The following CEP57L1 variants were observed in gnomAD, a reference collection of about 807,000 sequenced individuals.
CEP57L1 encodes the protein centrosomal protein CEP57L1.
CEP57L1 carries 37 observed loss-of-function variants against 61.0 expected under a neutral mutation model. That is an observed-to-expected ratio of 0.61 (90% CI 0.47 to 0.80). The LOEUF is 0.80. Ranked by LOEUF, CEP57L1 falls within the 30% of genes least tolerant of loss-of-function variation. CEP57L1 has a pLI of 0.00. For synonymous variants in CEP57L1, 137 were observed against 162.3 expected, an observed-to-expected ratio of 0.84 and a Z score of 1.19; for missense variants, 422 against 524.7, an observed-to-expected ratio of 0.80 and a Z score of 1.91.
intron 1 of CEP57L1, among the ~76,000 whole-genome samples, chr6:109,096,331 A>G (rs770354929): frequency 1.3e-5 from 2 of 152,222 alleles, no homozygotes; most frequent in Non-Finnish European, 2.9e-5. Flanking sequence ...TACTAGTTAG[A>G]GGAACTAGTT....
chr6:109,120,087 A>T (rs779271744), intron 1 of CEP57L1, among the ~76,000 whole-genome samples: 6 of 152,196 alleles, frequency 3.9e-5, no homozygotes, highest in Admixed American at 6.5e-5. Flanking sequence ...ATGTTGATTC[A>T]TTACATATAA....
At chr6:109,111,406 C>T (rs570728930) in intron 1 of CEP57L1, among the ~76,000 whole-genome samples, 1 of 152,272 alleles carries the variant, frequency 6.6e-6, no homozygotes, top group South Asian at 2.1e-4. Flanking sequence ...TGCTTATCAG[C>T]TTAAGGAGAT....
chr6:109,149,589 C>T (rs1476695633), intron 3 of CEP57L1, among the ~76,000 whole-genome samples: 18 of 151,942 alleles, frequency 1.2e-4, no homozygotes, highest in Non-Finnish European at 2.4e-4. Context: ...TTAGGATTGA[C>T]TTGGCAATGC....
chr6:109,140,819 T>C (rs1314306667), intron 1 of CEP57L1: 1 of 152,046 alleles, frequency 6.6e-6, no homozygotes, highest in East Asian at 1.9e-4. Context: ...CTTAAAATAA[T>C]TTTTAGAGTT....
intron 1 of CEP57L1, among the ~76,000 whole-genome samples, chr6:109,103,546 T>C (rs1444359280): frequency 6.6e-6 from 1 of 152,166 alleles, no homozygotes; most frequent in African/African-American, 2.4e-5. Flanking sequence ...CTTTTTTCTA[T>C]GTTATTTTGG....
chr6:109,143,287 T>C (rs1373424797), intron 1 of CEP57L1, among the ~76,000 whole-genome samples: 11 of 152,162 alleles, frequency 7.2e-5, no homozygotes. Context: ...AAGGCTTTTA[T>C]TTTGGATCAA....
rs1771915340 is a variant in CEP57L1 at position 109,113,471 on chromosome 6, C to T, written c.-4+17896C>T. Among the ~76,000 whole-genome samples the T allele has an allele frequency of 2.0e-5, 3 of 152,244 alleles. No homozygotes were observed. In the South Asian group the frequency reaches 6.2e-4, roughly 32 times the overall value. On this transcript the variant is annotated intron_variant, in intron 1 of 10. Transcript: ENST00000517392. ...CTGATTTGATGGAGGAGGGGAGCCA[C>T]CTATACAGGATACCCCCTCATATCT...
chr6:109,162,751 C>T lies in CEP57L1; in HGVS notation c.1164C>T (p.Val388=), dbSNP rs1250210562. ...ISKLKKHQDS[V]CKLQQKVQNS... is the part of the protein sequence containing the mutation. ...GTTAGATTTTTTTTTCTCTCCAGGTCTGTAAACTGCAGCAAAAAGTTCAAA... is the reference window on the plus strand; with the variant it reads ...GTTAGATTTTTTTTTCTCTCCAGGTTTGTAAACTGCAGCAAAAAGTTCAAA... The change falls in exon 11 of 11, where the codon GTC becomes GTT. Residue 388 remains valine (V), a splice_region_variant and synonymous_variant. Transcript: ENST00000517392. 5 of 1,608,326 alleles carry T rather than the reference C, an allele frequency of 3.1e-6. No homozygotes were observed. The highest frequency in any genetic ancestry group is 4.3e-6 in the Non-Finnish European group (5 of 1,176,092).
At chr6:109,113,322 C>G (rs538634319) in intron 1 of CEP57L1, among the ~76,000 whole-genome samples, 2 of 152,122 alleles carry the variant, frequency 1.3e-5, no homozygotes, top group African/African-American at 2.4e-5. Context: ...AAGCCCATGT[C>G]CTCCTCAGAT....
Position 109,162,908 on chromosome 6 carries a change from C to G in CEP57L1, c.1321C>G (p.Pro441Ala). The G allele has an allele frequency of 6.2e-7, 1 of 1,613,086 alleles. No homozygotes were observed. The highest frequency in any genetic ancestry group is 8.5e-7 in the Non-Finnish European group (1 of 1,179,384). ...TTTTCAGAAAAACAGCAGCTTTCAT[C>G]CAATACGAGTTCATAATCTTCAAAT... ...NLFQKNSSFHPIRVHNLQMKL... is the reference protein window; with the variant it reads ...NLFQKNSSFHAIRVHNLQMKL... The change falls in exon 11 of 11, where the codon CCA becomes GCA. Residue 441 changes from proline to alanine, a missense_variant. By Grantham distance (27) the Pro-to-Ala change is conservative. Transcript: ENST00000517392.
intron 1 of CEP57L1, among the ~76,000 whole-genome samples, chr6:109,132,601 C>T (rs574522189): frequency 6.6e-6 from 1 of 152,254 alleles, no homozygotes; most frequent in African/African-American, 2.4e-5. Context: ...AAAAGTTTCT[C>T]TAAGACTTAT....
rs1342910725 is a variant in CEP57L1, at chr6:109,174,197, A to G, written c.*11227A>G. Among the ~76,000 whole-genome samples the G allele has an allele frequency of 6.6e-6, 1 of 152,090 alleles. No homozygotes were observed. Among genetic ancestry groups the G allele is most frequent in the African/African-American group, 2.4e-5 (1 of 41,404 alleles). On this transcript the variant is annotated 3_prime_UTR_variant, in exon 11 of 11. Coordinates refer to ENST00000517392, the MANE Select transcript of CEP57L1 (RefSeq NM_001271852.3). ...ATAAATTACAGTGTCTAAGATGGATACTTTACTCTTTTCTTTTGAGAAGGG... is the reference window on the plus strand; with the variant it reads ...ATAAATTACAGTGTCTAAGATGGATGCTTTACTCTTTTCTTTTGAGAAGGG...
rs772785910 is a variant in CEP57L1, at chr6:109,095,509, C to T, written c.-70C>T. 8.1e-5 allele frequency: 80 copies of T among 985,744 alleles called. No individual in the cohort carries two copies. Among genetic ancestry groups the T allele is most frequent in the Non-Finnish European group, 9.6e-5 (80 of 829,958 alleles). The allele number at this position is 985,744 out of a possible 1,614,324, so 61.1% of individuals were successfully genotyped here. A position where few individuals can be genotyped will look rare whatever the true frequency, so the allele number is the denominator to read the frequency against. On this transcript the variant is annotated 5_prime_UTR_variant, in exon 1 of 11. In the 5' UTR this introduces an upstream ATG that the reference lacks. Transcript: ENST00000517392. Reference sequence around the variant, plus strand: ...CTACAACCCCCAGGGGCCACCGCGACGTTGCCTGTGGGTGCCCGCGAACCA... The same window carrying T: ...CTACAACCCCCAGGGGCCACCGCGATGTTGCCTGTGGGTGCCCGCGAACCA...
At chr6:109,149,112 T>C (rs1293222007) in intron 3 of CEP57L1, among the ~76,000 whole-genome samples, 1 of 152,230 alleles carries the variant, frequency 6.6e-6, no homozygotes, top group Non-Finnish European at 1.5e-5. Context: ...GTGCAGAAGC[T>C]CTTTAGTTTA....
Position 109,145,199 on chromosome 6 carries a change from CATTCCTTT to C in CEP57L1, c.-3-15_-3-8del, listed in dbSNP as rs1554190422. 1.7e-6 allele frequency: 2 copies of C among 1,147,428 alleles called. No individual in the cohort carries two copies. Among genetic ancestry groups the C allele is most frequent in the Non-Finnish European group, 2.4e-6 (2 of 826,682 alleles). 71.1% of individuals were successfully genotyped at this position (1,147,428 alleles called of 1,614,324 possible). A position where few individuals can be genotyped will look rare whatever the true frequency, so the allele number is the denominator to read the frequency against. On this transcript the variant is annotated splice_polypyrimidine_tract_variant and intron_variant, in intron 1 of 10. Transcript: ENST00000517392. The stretch of plus-strand genomic sequence containing the variant: ...AAAATAGGAAAGCATGATACTATAT[CATTCCTTT>C]ATTCTCTACAGATAATGGATTCTGA...
chr6:109,148,224 CG>C (rs1772181801), intron 3 of CEP57L1, among the ~76,000 whole-genome samples: 1 of 151,976 alleles, frequency 6.6e-6, no homozygotes, highest in Admixed American at 6.6e-5. Context: ...CCCATTAACT[CG>C]TCATTTAGCA....
chr6:109,136,638 T>G (rs946864334), intron 1 of CEP57L1, among the ~76,000 whole-genome samples: 2 of 151,676 alleles, frequency 1.3e-5, no homozygotes, highest in African/African-American at 2.4e-5. Flanking sequence ...AGTTAAACAT[T>G]TGATGAGGGT....
chr6:109,116,119 T>G (rs1270746662), intron 1 of CEP57L1, among the ~76,000 whole-genome samples: 64 of 143,366 alleles, frequency 4.5e-4, no homozygotes, highest in South Asian at 1.5e-3. Context: ...TATTTTATGT[T>G]ATGTGTTGTG....
In CEP57L1 at chr6:109,163,163, T is replaced by A. The variant is rs866038041; in HGVS notation, c.*193T>A. 21 of 482,974 alleles carry A rather than the reference T, an allele frequency of 4.3e-5. No individual in the cohort carries two copies. The highest frequency in any genetic ancestry group is 7.6e-5 in the Admixed American group (2 of 26,342). The allele number at this position is 482,974 out of a possible 1,614,324, so 29.9% of individuals were successfully genotyped here. A position where few individuals can be genotyped will look rare whatever the true frequency, so the allele number is the denominator to read the frequency against. ...CCAAATAATAAATTAATTGCTTTTT[T>A]ATTTTTCTTATTGATTGAAGCCCGT... On this transcript the variant is annotated 3_prime_UTR_variant, in exon 11 of 11. Coordinates refer to ENST00000517392, the MANE Select transcript of CEP57L1 (RefSeq NM_001271852.3).
Sources: gnomAD v4.1 joint callset for allele counts (sites outside exome capture counted in the v4.1 genomes callset) on GRCh38, gnomAD v4.1.1 for gene constraint, MANE v1.5 for transcripts, NCBI Gene and HGNC (gene_info 2026-07-23, HGNC 2026-07-21) for gene names.